Variants in FLNB observed in about 807,000 individuals in gnomAD.
The protein encoded by FLNB is filamin-B.
FLNB carries 111 observed loss-of-function variants against 250.6 expected under a neutral mutation model. The observed-to-expected ratio is 0.44, with a 90% CI of 0.38 to 0.52. The LOEUF (loss-of-function observed/expected upper bound fraction) is 0.52, where lower values mean the gene tolerates loss of function less well. Ranked by LOEUF, FLNB falls within the 20% of genes least tolerant of loss-of-function variation. FLNB has a pLI of 0.00. For synonymous variants in FLNB, 1,302 were observed against 1,372.1 expected, an observed-to-expected ratio of 0.95 and a Z score of 1.13; for missense variants, 2,869 against 3,447.8, an observed-to-expected ratio of 0.83 and a Z score of 4.20.
intron 24 of FLNB, among the ~76,000 whole-genome samples, chr3:58,127,336 A>AG (rs892190367): frequency 1.1e-4 from 17 of 151,778 alleles, no homozygotes; most frequent in Non-Finnish European, 1.6e-4. Flanking sequence ...AAAAAAAAAA[A>AG]AAAAGAAAAA....
At chr3:58,100,373 A>AAAAAAAAAAATATATATATATATATATAT in intron 8 of FLNB, among the ~76,000 whole-genome samples, 9 of 104,384 alleles carry the variant, frequency 8.6e-5, no homozygotes, top group African/African-American at 4.1e-4. Flanking sequence ...GTAAAAAAAA[A>AAAAAAAAAAATATATATATATATATATAT]ATATATATAT....
chr3:58,125,650 C>T lies in FLNB; in HGVS notation c.3968C>T (p.Thr1323Ile). 1.2e-6 allele frequency: 2 copies of T among 1,614,028 alleles called. No individual in the cohort carries two copies. The highest frequency in any genetic ancestry group is 8.5e-7 in the Non-Finnish European group (1 of 1,179,888). Residue 1323 changes from threonine to isoleucine, a missense_variant, in exon 23 of 46, where the codon ACT becomes ATT. Physicochemically the swap from Thr to Ile is moderately conservative, Grantham distance 89. Around this residue, in one of 5 missense-constraint regions of FLNB, gnomAD observed 1,348 missense variants for 1,466.7 expected, o/e 0.92. Coordinates refer to ENST00000295956, the MANE Select transcript of FLNB (RefSeq NM_001457.4). Reference sequence around the variant, plus strand: ...AACAGTCCCTTCAAGGTGGCTGTCACTGAAGGCTGCCAGCCATCTAGGGTG... The same window carrying T: ...AACAGTCCCTTCAAGGTGGCTGTCATTGAAGGCTGCCAGCCATCTAGGGTG... Reference protein sequence around the residue: ...IPNSPFKVAVTEGCQPSRVQA... With the variant: ...IPNSPFKVAVIEGCQPSRVQA...
chr3:58,122,496 CAAA>C (rs11320902), intron 20 of FLNB, among the ~76,000 whole-genome samples: 8 of 130,866 alleles, frequency 6.1e-5, no homozygotes, highest in East Asian at 2.1e-4. Flanking sequence ...CCGTCCCCTC[CAAA>C]AAAAAAAAAA....
At position 58,092,975 on chromosome 3, in the gene FLNB, C is replaced by T. The variant is rs148655424; in HGVS notation, c.788-1861C>T. Among the ~76,000 whole-genome samples the T allele has an allele frequency of 1.1e-3, 172 of 152,278 alleles. 1 individual carries two copies. The South Asian group carries it at 0.02, about 17-fold the overall frequency. On this transcript the variant is annotated intron_variant, in intron 4 of 45. Transcript: ENST00000295956. ...ACTATCTACCTGAAGTTAGTGCAGA[C>T]GCCATTAAGGGCTCGGTCCCTCAAA...
At chr3:58,104,609 A>G (rs1263482755) in intron 10 of FLNB, among the ~76,000 whole-genome samples, 1 of 151,852 alleles carries the variant, frequency 6.6e-6, no homozygotes, top group East Asian at 1.9e-4. Context: ...GCCTTGAGAA[A>G]TATTTGGGCA....
At chr3:58,143,290 CT>C (rs1392540745) in intron 31 of FLNB, among the ~76,000 whole-genome samples, 182 bp from the exon 32 acceptor site, 1 of 142,922 alleles carries the variant, frequency 7.0e-6, no homozygotes, top group Non-Finnish European at 1.6e-5. Context: ...CCAAATGGAA[CT>C]GGAAAAAAAA....
At chr3:58,083,481 C>T (rs1320799763) in intron 4 of FLNB, among the ~76,000 whole-genome samples, 1 of 151,682 alleles carries the variant, frequency 6.6e-6, no homozygotes, top group Non-Finnish European at 1.5e-5. Flanking sequence ...ATCCTCCTGC[C>T]TCAGCCTCCC....
Position 58,148,226 on chromosome 3 carries a change from C to T in FLNB, c.5749C>T (p.Gln1917Ter). The T allele has an allele frequency of 6.2e-7, 1 of 1,614,216 alleles. No homozygotes were observed. The highest frequency in any genetic ancestry group is 8.5e-7 in the Non-Finnish European group (1 of 1,180,044). Reference sequence around the variant, plus strand: ...CCCAGATGACAGCAGGCGGTGCTCCCAGGTGAAGTTGGGCTCAGCCGCTGA... The same window carrying T: ...CCCAGATGACAGCAGGCGGTGCTCCTAGGTGAAGTTGGGCTCAGCCGCTGA... ...KITDDSRRCS[Q>*]VKLGSAADFL... Residue 1917 changes from glutamine (Q) to a stop codon, truncating the protein, a stop_gained, in exon 35 of 46, where the codon CAG becomes TAG. Coordinates refer to ENST00000295956, the MANE Select transcript of FLNB (RefSeq NM_001457.4). LOFTEE classifies it high-confidence loss of function.
At chr3:58,015,607 G>C (rs1206900514) in intron 1 of FLNB, among the ~76,000 whole-genome samples, 1 of 152,208 alleles carries the variant, frequency 6.6e-6, no homozygotes, top group Non-Finnish European at 1.5e-5. Flanking sequence ...CAAGCAGGGA[G>C]AGCCATGCAG....
intron 43 of FLNB, among the ~76,000 whole-genome samples, chr3:58,166,848 G>A (rs73075938): frequency 0.14 from 20,274 of 149,178 alleles, 1,817 homozygotes; most frequent in Middle Eastern, 0.22. Context: ...TAATAAGGCC[G>A]GGTGCGTTGG....
intron 1 of FLNB, among the ~76,000 whole-genome samples, chr3:58,035,833 C>T (rs548012180): frequency 3.9e-5 from 6 of 152,276 alleles, no homozygotes; most frequent in African/African-American, 1.2e-4. Flanking sequence ...CAGTCAGCTA[C>T]GTGTGAAGTT....
Position 58,008,448 on chromosome 3 carries a change from A to G in FLNB, c.-117A>G, listed in dbSNP as rs960593188. 2.0e-5 allele frequency: 24 copies of G among 1,229,462 alleles called. No homozygotes were observed. The highest frequency in any genetic ancestry group is 2.5e-5 in the Non-Finnish European group (22 of 863,366). The allele number at this position is 1,229,462 out of a possible 1,614,324, so 76.2% of individuals were successfully genotyped here. A position where few individuals can be genotyped will look rare whatever the true frequency, so the allele number is the denominator to read the frequency against. ...GAGCAGCACCGGCCGTGGCTCCGGT[A>G]GCAGCAAGTTCGAACCCCGCTCCCG... On this transcript the variant is annotated 5_prime_UTR_variant, in exon 1 of 46. Coordinates refer to ENST00000295956, the MANE Select transcript of FLNB (RefSeq NM_001457.4).
chr3:58,150,600 GC>G, intron 38 of FLNB: 1 of 324,666 alleles, frequency 3.1e-6, no homozygotes, highest in Non-Finnish European at 5.9e-6. Flanking sequence ...TGGCAGCCCA[GC>G]GGCATCCTTC....
intron 1 of FLNB, among the ~76,000 whole-genome samples, chr3:58,027,157 C>CT (rs113631735): frequency 8.8e-4 from 128 of 145,570 alleles, no homozygotes; most frequent in Admixed American, 1.8e-3. Context: ...GACTCTGGCT[C>CT]TTTTTTTTTT....
rs553176380 is a variant in FLNB, at chr3:58,103,860, A to G, written c.1484-99A>G. Reference sequence around the variant, plus strand: ...CCCACTTGGTTTTTATGTATGGTTTATGTTTTGTTCAGTGTGGCTGCCTCT... The same window carrying G: ...CCCACTTGGTTTTTATGTATGGTTTGTGTTTTGTTCAGTGTGGCTGCCTCT... On this transcript the variant is annotated intron_variant, in intron 9 of 45. Coordinates refer to ENST00000295956, the MANE Select transcript of FLNB (RefSeq NM_001457.4). 2.9e-5 allele frequency: 42 copies of G among 1,429,806 alleles called. No homozygotes were observed. The African/African-American group carries it at 5.8e-4, about 20-fold the overall frequency. 88.6% of individuals were successfully genotyped at this position (1,429,806 alleles called of 1,614,324 possible).
At chr3:58,086,611 A>C (rs1019766217) in intron 4 of FLNB, among the ~76,000 whole-genome samples, 9 of 152,210 alleles carry the variant, frequency 5.9e-5, no homozygotes, top group African/African-American at 2.2e-4. Flanking sequence ...ATTATATAAC[A>C]GTCTACGGCC....
intron 1 of FLNB, among the ~76,000 whole-genome samples, chr3:58,011,322 C>T (rs1021753193): frequency 9.2e-5 from 14 of 152,160 alleles, no homozygotes; most frequent in Non-Finnish European, 1.2e-4. Flanking sequence ...GGGCTGTTGG[C>T]AGCTTCTTCC....
chr3:58,082,154 A>G (rs1158298484), intron 4 of FLNB, among the ~76,000 whole-genome samples: 2 of 152,076 alleles, frequency 1.3e-5, no homozygotes, highest in Non-Finnish European at 2.9e-5. Flanking sequence ...CTTCTGTTAC[A>G]CTAAGCCTGC....
Position 58,103,939 on chromosome 3 carries a change from T to G in FLNB, c.1484-20T>G. 6.2e-7 allele frequency: 1 copy of G among 1,613,956 alleles called. No homozygotes were observed. Among genetic ancestry groups the G allele is most frequent in the Non-Finnish European group, 8.5e-7 (1 of 1,179,838 alleles). ...GGGCCTAGGATTGTGTTGGAAAGAT[T>G]ATCTCCTTCCTTCCCACAGAGGGTC... On this transcript the variant is annotated intron_variant, in intron 9 of 45. Coordinates refer to ENST00000295956, the MANE Select transcript of FLNB (RefSeq NM_001457.4).
Sources: gnomAD v4.1 joint callset for allele counts (sites outside exome capture counted in the v4.1 genomes callset) on GRCh38, gnomAD v4.1.1 for gene constraint, gnomAD v4.1.1 regional missense constraint, MANE v1.5 for transcripts, NCBI Gene and HGNC (gene_info 2026-07-23, HGNC 2026-07-21) for gene names.